The following PTPRD variants were observed in gnomAD, a reference collection of about 807,000 sequenced individuals.
PTPRD encodes the protein receptor-type tyrosine-protein phosphatase delta.
Under a neutral mutation model 214.5 loss-of-function variants are expected in PTPRD, and 34 were observed. The observed-to-expected ratio is 0.16, with a 90% CI of 0.12 to 0.21. The LOEUF is 0.21. PTPRD is among the 10% of genes least tolerant of loss of function. PTPRD has a pLI of 1.00. For missense variants in PTPRD, 2,545 were observed against 2,398.7 expected (o/e 1.06, Z -1.27); for synonymous variants, 1,128 against 845.7 (o/e 1.33, Z -5.79).
chr9:8,343,187 C>G (rs935232103), intron 39 of PTPRD, among the ~76,000 whole-genome samples: 1 of 151,968 alleles, frequency 6.6e-6, no homozygotes, highest in Non-Finnish European at 1.5e-5. Context: ...TATTTAACTG[C>G]TGAACAGTGT....
At chr9:9,620,430 T>C (rs2095174910) in intron 7 of PTPRD, among the ~76,000 whole-genome samples, 1 of 152,168 alleles carries the variant, frequency 6.6e-6, no homozygotes, top group African/African-American at 2.4e-5. Flanking sequence ...TTGTATTCCA[T>C]AACATTCTTT....
At chr9:9,745,973 G>T (rs187106781) in intron 6 of PTPRD, among the ~76,000 whole-genome samples, 312 of 152,166 alleles carry the variant, frequency 2.1e-3, no homozygotes, top group African/African-American at 7.1e-3. Flanking sequence ...CATCTTCATT[G>T]CTTGGGATGG....
At chr9:9,538,232 G>C (rs1168291033) in intron 8 of PTPRD, among the ~76,000 whole-genome samples, 1 of 151,624 alleles carries the variant, frequency 6.6e-6, no homozygotes, top group Non-Finnish European at 1.5e-5. Flanking sequence ...CTTACTTCAG[G>C]GGATAAAAAC....
intron 10 of PTPRD, among the ~76,000 whole-genome samples, chr9:9,055,991 C>G (rs2099695489): frequency 6.6e-6 from 1 of 151,962 alleles, no homozygotes; most frequent in Non-Finnish European, 1.5e-5. Flanking sequence ...GTTTTATGTT[C>G]TGGTGAACAG....
intron 2 of PTPRD, among the ~76,000 whole-genome samples, chr9:10,415,647 A>C (rs1012289725): frequency 5.3e-5 from 8 of 151,896 alleles, no homozygotes; most frequent in Admixed American, 4.6e-4. Flanking sequence ...TTTGATAGAG[A>C]GACGTGATTT....
At chr9:8,749,195 G>C (rs2093253806) in intron 11 of PTPRD, among the ~76,000 whole-genome samples, 1 of 151,988 alleles carries the variant, frequency 6.6e-6, no homozygotes, top group African/African-American at 2.4e-5. Flanking sequence ...TTTGTTCTTT[G>C]TGTTGAGACA....
intron 22 of PTPRD, 118 bp from the exon 23 acceptor site, chr9:8,504,523 C>A: frequency 1.7e-6 from 2 of 1,167,904 alleles, no homozygotes; most frequent in Non-Finnish European, 1.2e-6. Flanking sequence ...CAAAATATCA[C>A]CAAAAGAGTC....
intron 12 of PTPRD, among the ~76,000 whole-genome samples, chr9:8,678,403 G>A (rs2097480885): frequency 6.6e-6 from 1 of 152,076 alleles, no homozygotes. Context: ...TTTAATAGAA[G>A]TTTTAAAAAA....
chr9:10,046,301 C>A (rs1017556816), intron 3 of PTPRD, among the ~76,000 whole-genome samples: 5 of 151,802 alleles, frequency 3.3e-5, no homozygotes, highest in African/African-American at 9.7e-5. Flanking sequence ...GGGTAAAACA[C>A]AACTGCATCT....
At chr9:9,439,272 A>G (rs1240169924) in intron 8 of PTPRD, among the ~76,000 whole-genome samples, 2 of 152,168 alleles carry the variant, frequency 1.3e-5, no homozygotes, top group Non-Finnish European at 2.9e-5. Flanking sequence ...ATCATTTCTT[A>G]GGGTACAGCA....
intron 2 of PTPRD, among the ~76,000 whole-genome samples, chr9:10,393,377 A>G (rs2098109036): frequency 6.6e-6 from 1 of 151,776 alleles, no homozygotes; most frequent in Non-Finnish European, 1.5e-5. Context: ...CTTATGATCC[A>G]TATCATAATG....
intron 3 of PTPRD, among the ~76,000 whole-genome samples, chr9:10,111,355 C>T (rs2098690533): frequency 1.4e-5 from 2 of 145,296 alleles, no homozygotes; most frequent in African/African-American, 5.1e-5. Flanking sequence ...TCTCCTGCCT[C>T]AGCCTCCCAA....
chr9:9,269,713 G>A (rs990366070), intron 9 of PTPRD, among the ~76,000 whole-genome samples: 1 of 151,310 alleles, frequency 6.6e-6, no homozygotes, highest in African/African-American at 2.4e-5. Context: ...TGATAATATG[G>A]ATGAACCTGG....
intron 11 of PTPRD, among the ~76,000 whole-genome samples, chr9:8,995,092 C>A: frequency 6.6e-6 from 1 of 151,884 alleles, no homozygotes; most frequent in East Asian, 1.9e-4. Context: ...ATGAGAGAAG[C>A]TCTACATGAA....
intron 5 of PTPRD, among the ~76,000 whole-genome samples, chr9:9,937,385 A>G (rs1219860954): frequency 6.6e-6 from 1 of 150,676 alleles, no homozygotes; most frequent in Non-Finnish European, 1.5e-5. Context: ...TGTCAGAAGT[A>G]TTTTTTCTCA....
intron 36 of PTPRD, among the ~76,000 whole-genome samples, chr9:8,391,931 T>G (rs2089722109): frequency 6.6e-6 from 1 of 151,658 alleles, no homozygotes; most frequent in African/African-American, 2.4e-5. Flanking sequence ...TGGGGTTTTT[T>G]GCATACTGCC....
At chr9:8,686,060 A>G (rs1245191750) in intron 12 of PTPRD, among the ~76,000 whole-genome samples, 1 of 152,234 alleles carries the variant, frequency 6.6e-6, no homozygotes, top group African/African-American at 2.4e-5. Flanking sequence ...AAGGGAGTCA[A>G]CAGTCCTCTG....
At chr9:8,544,944 C>T (rs921710237) in intron 14 of PTPRD, among the ~76,000 whole-genome samples, 76 of 139,154 alleles carry the variant, frequency 5.5e-4, no homozygotes, top group African/African-American at 1.4e-3. Flanking sequence ...ATCAAAGTGC[C>T]TTCTTCAAAG....
At chr9:10,304,923 G>A (rs1314694847) in intron 3 of PTPRD, among the ~76,000 whole-genome samples, 4 of 152,052 alleles carry the variant, frequency 2.6e-5, no homozygotes, top group Non-Finnish European at 5.9e-5. Flanking sequence ...AAGTTCATAT[G>A]GAACCAAAAA....
Sources: allele counts gnomAD v4.1 joint callset (sites outside exome capture counted in the v4.1 genomes callset), GRCh38; gene constraint gnomAD v4.1.1; transcripts MANE v1.5; gene names NCBI Gene and HGNC (gene_info 2026-07-23, HGNC 2026-07-21).